Variants in MAP7 observed in about 807,000 individuals in gnomAD.
The protein encoded by MAP7 is ensconsin.
In MAP7, 52 loss-of-function variants were observed where a neutral mutation model predicts 94.8. That is an observed-to-expected ratio of 0.55 (90% CI 0.44 to 0.69). MAP7 has a LOEUF of 0.69. Ranked by LOEUF, MAP7 falls within the 30% of genes least tolerant of loss-of-function variation. The pLI is 0.00. For synonymous variants in MAP7, 350 were observed against 357.0 expected, an observed-to-expected ratio of 0.98 and a Z score of 0.22; for missense variants, 940 against 964.6, an observed-to-expected ratio of 0.97 and a Z score of 0.34.
intron 1 of MAP7, chr6:136,526,753 G>A (rs1434512485): frequency 1.1e-6 from 1 of 880,272 alleles, no homozygotes; most frequent in African/African-American, 1.8e-5. Flanking sequence ...CTTCTTTTCT[G>A]GGCCAGGTTG....
chr6:136,417,533 CT>C, intron 2 of MAP7, among the ~76,000 whole-genome samples: 1 of 152,324 alleles, frequency 6.6e-6, no homozygotes, highest in Admixed American at 6.5e-5. Flanking sequence ...GCAATTTGTA[CT>C]TTATGAAGCA....
intron 1 of MAP7, among the ~76,000 whole-genome samples, chr6:136,547,149 T>C (rs1384633878): frequency 6.6e-6 from 1 of 152,222 alleles, no homozygotes; most frequent in African/African-American, 2.4e-5. Flanking sequence ...GATCACTTTT[T>C]GATTTGGAAA....
chr6:136,517,166 A>C (rs1056394522), intron 1 of MAP7, among the ~76,000 whole-genome samples: 1 of 152,186 alleles, frequency 6.6e-6, no homozygotes, highest in Non-Finnish European at 1.5e-5. Flanking sequence ...CTAACACAAC[A>C]AAATTACAGG....
chr6:136,385,941 T>C (rs1213043248), intron 5 of MAP7, among the ~76,000 whole-genome samples: 3 of 152,224 alleles, frequency 2.0e-5, no homozygotes, highest in East Asian at 3.9e-4. Context: ...CGGCTAGTTT[T>C]TGTATTTTTA....
chr6:136,546,362 C>T (rs188500006), intron 1 of MAP7, among the ~76,000 whole-genome samples: 1 of 151,252 alleles, frequency 6.6e-6, no homozygotes, highest in Admixed American at 6.6e-5. Context: ...CCACCTCCCA[C>T]CCCCTACCCC....
At chr6:136,468,534 T>TA (rs1807902043) in intron 1 of MAP7, among the ~76,000 whole-genome samples, 1 of 152,218 alleles carries the variant, frequency 6.6e-6, no homozygotes, top group Non-Finnish European at 1.5e-5. Flanking sequence ...TTAATACACC[T>TA]ACTGAATATC....
At chr6:136,504,356 T>G (rs1391660187) in intron 1 of MAP7, among the ~76,000 whole-genome samples, 1 of 151,980 alleles carries the variant, frequency 6.6e-6, no homozygotes, top group African/African-American at 2.4e-5. Context: ...GTTTTGTTTT[T>G]TTTTTGGGGG....
chr6:136,525,953 T>C, intron 1 of MAP7: 1 of 1,521,164 alleles, frequency 6.6e-7, no homozygotes, highest in Non-Finnish European at 8.8e-7. Flanking sequence ...GAGCTGTAGC[T>C]GATCCAGGCA....
intron 1 of MAP7, among the ~76,000 whole-genome samples, chr6:136,476,588 T>C (rs149086594): frequency 5.8e-4 from 88 of 152,308 alleles, no homozygotes; most frequent in Middle Eastern, 3.4e-3. Context: ...GAATAGAGGA[T>C]ATAAGAGATT....
chr6:136,470,762 G>A (rs754902627), intron 1 of MAP7, among the ~76,000 whole-genome samples: 9 of 151,992 alleles, frequency 5.9e-5, no homozygotes, highest in Non-Finnish European at 1.2e-4. Flanking sequence ...GTGTGTGATA[G>A]TGAATGTATA....
At chr6:136,523,205 C>G (rs1034575001) in intron 1 of MAP7, among the ~76,000 whole-genome samples, 6 of 152,168 alleles carry the variant, frequency 3.9e-5, no homozygotes, top group African/African-American at 1.4e-4. Context: ...TTTCTGTGTT[C>G]TCATGCAGTA....
intron 1 of MAP7, among the ~76,000 whole-genome samples, chr6:136,479,847 G>C (rs191777787): frequency 2.0e-5 from 3 of 151,890 alleles, no homozygotes; most frequent in Non-Finnish European, 2.9e-5. Flanking sequence ...GAAATCGAAG[G>C]GGACACACAA....
chr6:136,349,664 A>T (rs1426682156), intron 16 of MAP7, among the ~76,000 whole-genome samples: 3 of 152,124 alleles, frequency 2.0e-5, no homozygotes, highest in African/African-American at 4.8e-5. Context: ...GAGCCACCAC[A>T]CTTGGCATAT....
chr6:136,539,508 A>G (rs190663466), intron 1 of MAP7, among the ~76,000 whole-genome samples: 58 of 152,360 alleles, frequency 3.8e-4, no homozygotes, highest in African/African-American at 1.4e-3. Flanking sequence ...GTCCCATCCA[A>G]TATCCACTAC....
At chr6:136,537,224 T>A (rs1828960776) in intron 1 of MAP7, among the ~76,000 whole-genome samples, 1 of 152,150 alleles carries the variant, frequency 6.6e-6, no homozygotes, top group African/African-American at 2.4e-5. Flanking sequence ...TGTAAATAAG[T>A]TGAAGAACTG....
intron 8 of MAP7, 131 bp downstream of exon 8, chr6:136,372,370 G>T: frequency 1.9e-6 from 2 of 1,065,486 alleles, no homozygotes; most frequent in East Asian, 2.6e-5. Context: ...CATGATCAAT[G>T]GGAAAGATGG....
At chr6:136,512,289 C>T (rs1823517520) in intron 1 of MAP7, among the ~76,000 whole-genome samples, 1 of 152,232 alleles carries the variant, frequency 6.6e-6, no homozygotes, top group East Asian at 1.9e-4. Flanking sequence ...CACCCATGGA[C>T]TAAGAGGTCT....
At chr6:136,521,647 A>C (rs905839355) in intron 1 of MAP7, among the ~76,000 whole-genome samples, 2 of 152,218 alleles carry the variant, frequency 1.3e-5, no homozygotes, top group African/African-American at 4.8e-5. Context: ...ATAGTCATGA[A>C]GCCTCTAGAA....
chr6:136,454,723 G>A (rs925992436), intron 1 of MAP7, among the ~76,000 whole-genome samples: 12 of 151,886 alleles, frequency 7.9e-5, no homozygotes, highest in African/African-American at 2.4e-5. Context: ...TGGGCAACAC[G>A]GCAAGACCCC....
Sources: allele counts gnomAD v4.1 joint callset (sites outside exome capture counted in the v4.1 genomes callset), GRCh38; gene constraint gnomAD v4.1.1; transcripts MANE v1.5; gene names NCBI Gene and HGNC (gene_info 2026-07-23, HGNC 2026-07-21).